Variants in NKD1 observed in about 807,000 individuals in gnomAD.
NKD1 encodes NKD inhibitor of Wnt signaling pathway 1, also known as protein naked cuticle homolog 1.
Under a neutral mutation model 56.0 loss-of-function variants are expected in NKD1, and 21 were observed. The ratio of observed to expected loss-of-function variants is 0.38; its 90% confidence interval spans 0.27 to 0.54. NKD1 has a LOEUF of 0.54. Among genes scored for constraint, NKD1 ranks in the 20% least tolerant of loss-of-function variants. The pLI, the probability that NKD1 is intolerant of heterozygous loss-of-function variation, is 0.82. For synonymous variants in NKD1, 263 were observed against 265.7 expected, an observed-to-expected ratio of 0.99 and a Z score of 0.10; for missense variants, 578 against 642.7, an observed-to-expected ratio of 0.90 and a Z score of 1.09.
chr16:50,591,051 G>T (rs941276402), intron 3 of NKD1, among the ~76,000 whole-genome samples: 9 of 151,992 alleles, frequency 5.9e-5, no homozygotes, highest in African/African-American at 2.2e-4. Context: ...TCGAACTCCT[G>T]ACCTCAAGTC....
chr16:50,563,605 G>C (rs1960693334), intron 3 of NKD1, among the ~76,000 whole-genome samples: 1 of 149,270 alleles, frequency 6.7e-6, no homozygotes, highest in Non-Finnish European at 1.5e-5. Context: ...GCACAGCCCT[G>C]GATGCATGGA....
chr16:50,621,854 C>T (rs1185410868), intron 5 of NKD1, 146 bp downstream of exon 5: 1 of 647,212 alleles, frequency 1.5e-6, no homozygotes, highest in Non-Finnish European at 2.7e-6. Context: ...GTTCCTTCTG[C>T]CACATCTGGG....
At chr16:50,597,406 T>C (rs996261164) in intron 3 of NKD1, among the ~76,000 whole-genome samples, 2 of 152,178 alleles carry the variant, frequency 1.3e-5, no homozygotes, top group Admixed American at 6.5e-5. Flanking sequence ...CATCATTTGT[T>C]TTAATGGAAA....
intron 3 of NKD1, among the ~76,000 whole-genome samples, chr16:50,583,967 C>T (rs1328606967): frequency 6.6e-6 from 1 of 152,218 alleles, no homozygotes; most frequent in African/African-American, 2.4e-5. Context: ...AATTCTCAGG[C>T]AGTTATTTTC....
chr16:50,592,218 C>T (rs974274840), intron 3 of NKD1, among the ~76,000 whole-genome samples: 10 of 152,198 alleles, frequency 6.6e-5, no homozygotes, highest in Admixed American at 2.6e-4. Context: ...CCAAGGCCAG[C>T]GCGTTGCTGC....
At position 50,645,750 on chromosome 16, in the gene NKD1, T is replaced by C. The variant is rs1189565952; in HGVS notation, c.*11969T>C. 6.6e-6 allele frequency: 1 copy of C among 152,188 alleles called. No individual in the cohort carries two copies. The highest frequency in any genetic ancestry group is 2.4e-5 in the African/African-American group (1 of 41,438). The allele number at this position is 152,188 out of a possible 1,614,324, so 9.4% of individuals were successfully genotyped here. A position where few individuals can be genotyped will look rare whatever the true frequency, so the allele number is the denominator to read the frequency against. On this transcript the variant is annotated 3_prime_UTR_variant, in exon 10 of 10. Coordinates refer to ENST00000268459, the MANE Select transcript of NKD1 (RefSeq NM_033119.5). Reference sequence around the variant, plus strand: ...GCGCTCAAGGATCCGCTTGCTTGCTTACATGTGGGATCAGCACTACCTTCC... The same window carrying C: ...GCGCTCAAGGATCCGCTTGCTTGCTCACATGTGGGATCAGCACTACCTTCC...
At chr16:50,572,686 C>T (rs1048918409) in intron 3 of NKD1, among the ~76,000 whole-genome samples, 1 of 152,118 alleles carries the variant, frequency 6.6e-6, no homozygotes, top group Non-Finnish European at 1.5e-5. Flanking sequence ...ACCAGTTTGC[C>T]CATCTCTAAA....
At chr16:50,601,311 C>A (rs74017739) in intron 3 of NKD1, among the ~76,000 whole-genome samples, 1 of 151,828 alleles carries the variant, frequency 6.6e-6, no homozygotes, top group Admixed American at 6.5e-5. Flanking sequence ...TTGCAAGTAA[C>A]GGAAACCCAA....
At chr16:50,613,077 A>C (rs1038790678) in intron 4 of NKD1, among the ~76,000 whole-genome samples, 1 of 151,920 alleles carries the variant, frequency 6.6e-6, no homozygotes, top group African/African-American at 2.4e-5. Context: ...GAGATCAGGG[A>C]TGCATCTTAG....
At chr16:50,624,283 T>G (rs1962160774) in intron 5 of NKD1, among the ~76,000 whole-genome samples, 1 of 152,168 alleles carries the variant, frequency 6.6e-6, no homozygotes, top group Non-Finnish European at 1.5e-5. Context: ...ACTGTCTATC[T>G]GACACTCAGC....
At chr16:50,561,320 A>G (rs1960628185) in intron 3 of NKD1, among the ~76,000 whole-genome samples, 1 of 150,614 alleles carries the variant, frequency 6.6e-6, no homozygotes, top group Non-Finnish European at 1.5e-5. Flanking sequence ...ATCTATTATG[A>G]CCTCTCCTGC....
intron 3 of NKD1, among the ~76,000 whole-genome samples, chr16:50,584,245 C>T (rs1961180326): frequency 6.6e-6 from 1 of 152,176 alleles, no homozygotes; most frequent in South Asian, 2.1e-4. Context: ...TTTCTTATTG[C>T]AGGGACAGGG....
chr16:50,628,421 AG>A (rs757628132), intron 6 of NKD1, among the ~76,000 whole-genome samples: 246 of 152,304 alleles, frequency 1.6e-3, no homozygotes, highest in Non-Finnish European at 2.7e-3. Context: ...TGGGACTTAC[AG>A]GCAGGAGGTG....
chr16:50,563,637 A>G (rs1960694077), intron 3 of NKD1, among the ~76,000 whole-genome samples: 1 of 144,966 alleles, frequency 6.9e-6, no homozygotes, highest in African/African-American at 2.6e-5. Flanking sequence ...GTGTCAGGCT[A>G]AACTCCATCC....
At chr16:50,593,909 CAGA>C (rs916632446) in intron 3 of NKD1, among the ~76,000 whole-genome samples, 3 of 152,050 alleles carry the variant, frequency 2.0e-5, no homozygotes, top group Admixed American at 6.6e-5. Flanking sequence ...AAAGTGTTCC[CAGA>C]AGAAGGAGGA....
In NKD1 at chr16:50,598,336, G is replaced by A. The variant is rs1015656951; in HGVS notation, c.193-9958G>A. Among the ~76,000 whole-genome samples the A allele has an allele frequency of 6.6e-6, 1 of 151,848 alleles. No homozygotes were observed. The highest frequency in any genetic ancestry group is 1.5e-5 in the Non-Finnish European group (1 of 67,976). On this transcript the variant is annotated intron_variant, in intron 3 of 9. Transcript: ENST00000268459. The surrounding 1 kb of genome is among the most constrained non-coding windows in gnomAD (Gnocchi z 4.2). ...GGCCTCAGGGTATAGGAATCAAGAG[G>A]CTCTTACTTCATCTGTTTCGTTTAG... is the stretch of plus-strand genomic sequence containing the variant.
rs78378906 is a variant in NKD1, at chr16:50,594,913, G to A, written c.193-13381G>A. 3.5e-3 allele frequency among the ~76,000 whole-genome samples: 527 copies of A among 152,310 alleles called. 2 individuals carry two copies. The highest frequency in any genetic ancestry group is 0.012 in the African/African-American group (480 of 41,560). ...GAGACCCCTGATCTGTGAGCACCTC[G>A]TGGGAGGCCTGCTACAGGTGGTCTG... is the stretch of plus-strand genomic sequence containing the variant. On this transcript the variant is annotated intron_variant, in intron 3 of 9. Transcript: ENST00000268459.
At chr16:50,581,273 A>C (rs1435289095) in intron 3 of NKD1, among the ~76,000 whole-genome samples, 1 of 152,204 alleles carries the variant, frequency 6.6e-6, no homozygotes, top group Non-Finnish European at 1.5e-5. Flanking sequence ...ACTACCCATT[A>C]AATAAGTTCC....
intron 3 of NKD1, among the ~76,000 whole-genome samples, chr16:50,591,132 C>T (rs1961357463): frequency 6.6e-6 from 1 of 152,196 alleles, no homozygotes; most frequent in African/African-American, 2.4e-5. Flanking sequence ...CAGAATGAAG[C>T]CTCTTTTTAA....
Sources: gnomAD v4.1 joint callset for allele counts (sites outside exome capture counted in the v4.1 genomes callset) on GRCh38, gnomAD v4.1.1 for gene constraint, Gnocchi (gnomAD v3.1) non-coding constraint, MANE v1.5 for transcripts, NCBI Gene and HGNC (gene_info 2026-07-23, HGNC 2026-07-21) for gene names.